Variants in TAOK3 observed in about 807,000 individuals in gnomAD.
TAOK3 encodes the protein TAO kinase 3.
A neutral mutation model predicts 120.4 loss-of-function variants in TAOK3; 40 were observed. The ratio of observed to expected loss-of-function variants is 0.33; its 90% CI spans 0.26 to 0.43. The LOEUF is 0.43. Among genes scored for constraint, TAOK3 ranks in the 20% least tolerant of loss-of-function variants. The probability of loss-of-function intolerance (pLI) is 1.00; values close to 1 mark genes in which losing one functional copy is unlikely to be tolerated. For synonymous variants in TAOK3, 355 were observed against 387.5 expected, an observed-to-expected ratio of 0.92 and a Z score of 0.99; for missense variants, 821 against 1,112.1, an observed-to-expected ratio of 0.74 and a Z score of 3.72.
intron 17 of TAOK3, among the ~76,000 whole-genome samples, chr12:118,168,888 G>A (rs1565885209): frequency 6.6e-6 from 1 of 152,116 alleles, no homozygotes; most frequent in East Asian, 1.9e-4. Flanking sequence ...CTGGCCATTA[G>A]CCTTTTTCAT....
At chr12:118,201,228 T>G in intron 12 of TAOK3, 68 bp downstream of exon 12, 1 of 1,415,826 alleles carries the variant, frequency 7.1e-7, no homozygotes, top group South Asian at 1.4e-5. Flanking sequence ...TTTTTCATAG[T>G]GCCCAGTCTA....
chr12:118,220,638 G>C (rs1479736521), intron 9 of TAOK3, among the ~76,000 whole-genome samples: 1 of 151,836 alleles, frequency 6.6e-6, no homozygotes, highest in Non-Finnish European at 1.5e-5. Flanking sequence ...AAACAAATTT[G>C]AAAAGAAAAG....
intron 1 of TAOK3, among the ~76,000 whole-genome samples, chr12:118,367,755 CCT>C (rs1593719600): frequency 6.6e-6 from 1 of 151,794 alleles, no homozygotes; most frequent in African/African-American, 2.4e-5. Flanking sequence ...ATCCTCCCTC[CCT>C]CTCTCCCTTC....
At chr12:118,164,104 C>T (rs2035414950) in intron 17 of TAOK3, among the ~76,000 whole-genome samples, 3 of 151,464 alleles carry the variant, frequency 2.0e-5, no homozygotes, top group Admixed American at 1.3e-4. Flanking sequence ...GGGTGGATCA[C>T]GAGGTCAGGA....
intron 1 of TAOK3, among the ~76,000 whole-genome samples, chr12:118,338,416 A>G (rs1383302792): frequency 1.3e-5 from 2 of 152,206 alleles, no homozygotes; most frequent in Non-Finnish European, 2.9e-5. Context: ...AAATGAATGA[A>G]TGATTGCATC....
At chr12:118,330,529 T>C (rs2044098505) in intron 1 of TAOK3, among the ~76,000 whole-genome samples, 1 of 152,094 alleles carries the variant, frequency 6.6e-6, no homozygotes, top group Non-Finnish European at 1.5e-5. Context: ...TGTAAGTGTA[T>C]GTGCGTGTCT....
At chr12:118,369,031 A>T (rs529821707) in intron 1 of TAOK3, among the ~76,000 whole-genome samples, 1 of 148,626 alleles carries the variant, frequency 6.7e-6, no homozygotes, top group South Asian at 2.1e-4. Flanking sequence ...AAAGAAGAAG[A>T]AGAAGAAAAA....
Position 118,255,439 on chromosome 12 carries a change from A to C in TAOK3, c.120+9T>G, listed in dbSNP as rs1380826579. The C allele has an allele frequency of 6.2e-7, 1 of 1,613,848 alleles. No individual in the cohort carries two copies. On this transcript the variant is annotated intron_variant, in intron 3 of 20. Coordinates refer to ENST00000392533, the MANE Select transcript of TAOK3 (RefSeq NM_016281.4). ...CTGATCTATCTAAAAGACTCTTTTA[A>C]GTACTTACAAAATAAACTGCTCCAA...
At chr12:118,159,591 G>A (rs1161811476) in intron 19 of TAOK3, among the ~76,000 whole-genome samples, 2 of 152,226 alleles carry the variant, frequency 1.3e-5, no homozygotes, top group South Asian at 2.1e-4. Context: ...GTGAGCCACC[G>A]CGCCCGGCCC....
At chr12:118,310,809 G>C (rs2043232443) in intron 1 of TAOK3, among the ~76,000 whole-genome samples, 1 of 152,102 alleles carries the variant, frequency 6.6e-6, no homozygotes, top group Non-Finnish European at 1.5e-5. Context: ...AGGTCAAATG[G>C]AGTCAAGAAT....
At chr12:118,318,138 T>C (rs2043547779) in intron 1 of TAOK3, among the ~76,000 whole-genome samples, 1 of 150,378 alleles carries the variant, frequency 6.6e-6, no homozygotes, top group Non-Finnish European at 1.5e-5. Context: ...GAGACCTAAA[T>C]AAGATATAAA....
intron 9 of TAOK3, among the ~76,000 whole-genome samples, chr12:118,222,541 A>AG (rs1401546545): frequency 6.6e-6 from 1 of 152,030 alleles, no homozygotes; most frequent in Non-Finnish European, 1.5e-5. Flanking sequence ...CGAAAAAAAA[A>AG]AAAGAAAGAA....
intron 1 of TAOK3, among the ~76,000 whole-genome samples, chr12:118,349,292 T>C (rs1442302247): frequency 6.6e-6 from 1 of 152,232 alleles, no homozygotes; most frequent in Non-Finnish European, 1.5e-5. Flanking sequence ...AAAAATATGT[T>C]CATTTAAAAA....
At chr12:118,162,174 G>A in intron 17 of TAOK3, 147 bp from the exon 18 acceptor site, 1 of 1,066,522 alleles carries the variant, frequency 9.4e-7, no homozygotes, top group South Asian at 1.6e-5. Flanking sequence ...GACTTAATGA[G>A]ATTAAATTAA....
At chr12:118,209,917 G>A (rs2038537285) in intron 11 of TAOK3, among the ~76,000 whole-genome samples, 1 of 151,894 alleles carries the variant, frequency 6.6e-6, no homozygotes, top group African/African-American at 2.4e-5. Flanking sequence ...GTCCAGGCTG[G>A]TCTTGAACAC....
intron 1 of TAOK3, among the ~76,000 whole-genome samples, chr12:118,280,346 C>T (rs558318342): frequency 1.3e-5 from 2 of 152,320 alleles, no homozygotes; most frequent in South Asian, 2.1e-4. Flanking sequence ...CAGGTGTGAA[C>T]CACTGCACGT....
At chr12:118,230,460 G>GTTTTTTTTT (rs71069433) in intron 9 of TAOK3, among the ~76,000 whole-genome samples, 1 of 50,034 alleles carries the variant, frequency 2.0e-5, no homozygotes, top group African/African-American at 7.9e-5. Context: ...CCTGTGAAGT[G>GTTTTTTTTT]TTTTTTTTTT....
intron 9 of TAOK3, among the ~76,000 whole-genome samples, chr12:118,215,197 A>T (rs2038830806): frequency 6.9e-6 from 1 of 145,652 alleles, no homozygotes; most frequent in Admixed American, 6.8e-5. Flanking sequence ...AAACATCTTA[A>T]ACATCACTAA....
intron 9 of TAOK3, among the ~76,000 whole-genome samples, chr12:118,225,277 T>G (rs924613914): frequency 6.8e-6 from 1 of 146,912 alleles, no homozygotes; most frequent in Non-Finnish European, 1.5e-5. Context: ...AAGATACAAC[T>G]TAAAAATATA....
Sources: gnomAD v4.1 joint callset for allele counts (sites outside exome capture counted in the v4.1 genomes callset) on GRCh38, gnomAD v4.1.1 for gene constraint, MANE v1.5 for transcripts, NCBI Gene and HGNC (gene_info 2026-07-23, HGNC 2026-07-21) for gene names.